The following IGSF10 variants were observed in gnomAD, a reference collection of about 807,000 sequenced individuals.
IGSF10 encodes immunoglobulin superfamily member 10.
In IGSF10, 126 loss-of-function variants were observed where a neutral mutation model predicts 128.2. The ratio of observed to expected loss-of-function variants is 0.98; its 90% CI spans 0.85 to 1.14. The LOEUF is 1.14. Ranked by LOEUF, IGSF10 falls within the 50% of genes most tolerant of loss-of-function variation. The pLI is 0.00. For synonymous variants in IGSF10, 1,185 were observed against 1,146.2 expected (o/e 1.03, Z -0.68); for missense variants, 3,295 against 3,149.8 (o/e 1.05, Z -1.10).
At chr3:151,524,030 G>T in the IGSF10 span, among the ~76,000 whole-genome samples, 1 of 152,132 alleles carries the variant, frequency 6.6e-6, no homozygotes, top group Non-Finnish European at 1.5e-5. Context: ...CATACAAGTG[G>T]CCAAGAAGCA....
At chr3:151,531,692 A>C in the IGSF10 span, among the ~76,000 whole-genome samples, 1 of 152,252 alleles carries the variant, frequency 6.6e-6, no homozygotes, top group Non-Finnish European at 1.5e-5. Context: ...CAGCGTGTAG[A>C]GAGAAATTTA....
chr3:151,478,855 GAT>G, the IGSF10 span, among the ~76,000 whole-genome samples: 1 of 152,174 alleles, frequency 6.6e-6, no homozygotes, highest in African/African-American at 2.4e-5. Flanking sequence ...CTTTGGATAA[GAT>G]AAAATAAAAG....
downstream of IGSF10, chr3:151,433,919 TATAAAG>T (rs1314646806): frequency 2.6e-5 from 4 of 152,650 alleles, no homozygotes; most frequent in Non-Finnish European, 5.9e-5. Flanking sequence ...TCAAATTTAT[TATAAAG>T]AAATAGTAAC....
At chr3:151,435,215 G>T (rs1232058929), downstream of IGSF10, 1 of 150,534 alleles carries the variant, frequency 6.6e-6, no homozygotes, top group East Asian at 1.9e-4. Context: ...TCCCCTTAAA[G>T]ACAAGACCTT....
Position 151,445,811 on chromosome 3 carries a change from G to C in IGSF10, c.4170C>G (p.Val1390=). The C allele has an allele frequency of 6.2e-7, 1 of 1,614,226 alleles. No individual in the cohort carries two copies. The highest frequency in any genetic ancestry group is 8.5e-7 in the Non-Finnish European group (1 of 1,180,046). Residue 1390 remains valine, a synonymous_variant, in exon 6 of 8, where the codon GTC becomes GTG. Transcript: ENST00000282466. ...TTAETSVKPS[V]SAFTHSPPEN... Reference sequence around the variant, plus strand: ...CTGGTGGGGAATGAGTGAATGCAGAGACACTGGGCTTGACTGAAGTTTCGG... The same window carrying C: ...CTGGTGGGGAATGAGTGAATGCAGACACACTGGGCTTGACTGAAGTTTCGG...
At chr3:151,497,484 G>A in the IGSF10 span, among the ~76,000 whole-genome samples, 4 of 152,130 alleles carry the variant, frequency 2.6e-5, no homozygotes, top group Non-Finnish European at 4.4e-5. Context: ...TCAGATAGTT[G>A]TAGATATGTG....
At chr3:151,434,160 A>G (rs1719833562), downstream of IGSF10, 1 of 152,228 alleles carries the variant, frequency 6.6e-6, no homozygotes, top group African/African-American at 2.4e-5. Context: ...ATGATTTTAC[A>G]TATAATATAG....
At chr3:151,503,621 C>T in the IGSF10 span, among the ~76,000 whole-genome samples, 24 of 152,180 alleles carry the variant, frequency 1.6e-4, no homozygotes, top group African/African-American at 5.8e-4. Flanking sequence ...ATTTTAAATG[C>T]CCAGTGGGTT....
chr3:151,579,761 G>T, the IGSF10 span, among the ~76,000 whole-genome samples: 1 of 151,140 alleles, frequency 6.6e-6, no homozygotes, highest in Non-Finnish European at 1.5e-5. Context: ...AGTCACAAAA[G>T]ACTTCAAATA....
the IGSF10 span, among the ~76,000 whole-genome samples, chr3:151,590,064 A>G: frequency 6.6e-6 from 1 of 152,132 alleles, no homozygotes; most frequent in East Asian, 1.9e-4. Flanking sequence ...TTTTCTTTAG[A>G]GTCTCACTCT....
chr3:151,530,471 C>T, the IGSF10 span, among the ~76,000 whole-genome samples: 1 of 152,028 alleles, frequency 6.6e-6, no homozygotes, highest in Non-Finnish European at 1.5e-5. Context: ...AGAGAAATAT[C>T]GGGTTACCCA....
At chr3:151,576,735 G>C in the IGSF10 span, among the ~76,000 whole-genome samples, 2 of 152,168 alleles carry the variant, frequency 1.3e-5, no homozygotes, top group East Asian at 1.9e-4. Context: ...CCAGTACCAC[G>C]AGAGTTTACA....
At position 151,443,462 on chromosome 3, in the gene IGSF10, C is replaced by A. The variant is rs1038453565; in HGVS notation, c.5485G>T (p.Asp1829Tyr). 3.7e-6 allele frequency: 6 copies of A among 1,614,078 alleles called. No individual in the cohort carries two copies. The highest frequency in any genetic ancestry group is 1.6e-4 in the Middle Eastern group (1 of 6,084). ...KCVASNPGGQ[D>Y]SLLVKIQVIA... ...ACTTGTATTTTAACCAGCAGTGAAT[C>A]CTGGCCACCTGGGTTGCTGGCCACA... The change falls in exon 7 of 8, where the codon GAT becomes TAT. Residue 1829 changes from aspartate to tyrosine, a missense_variant. Asp to Tyr is a radical substitution (Grantham distance 160). Coordinates refer to ENST00000282466, the MANE Select transcript of IGSF10 (RefSeq NM_178822.5).
the IGSF10 span, among the ~76,000 whole-genome samples, chr3:151,598,404 G>A: frequency 6.6e-6 from 1 of 152,154 alleles, no homozygotes; most frequent in East Asian, 1.9e-4. Flanking sequence ...ATTGAAATAT[G>A]GTAGTACTGA....
At chr3:151,610,909 G>T in the IGSF10 span, among the ~76,000 whole-genome samples, 1 of 152,102 alleles carries the variant, frequency 6.6e-6, no homozygotes, top group African/African-American at 2.4e-5. Context: ...ACCTCATAAA[G>T]GTCCCACCAC....
chr3:151,455,779 A>G (rs1490230274), intron 4 of IGSF10, among the ~76,000 whole-genome samples: 1 of 152,222 alleles, frequency 6.6e-6, no homozygotes, highest in African/African-American at 2.4e-5. Context: ...TTTGAGTTGC[A>G]ATTAAAATAA....
chr3:151,470,688 A>T, the IGSF10 span, among the ~76,000 whole-genome samples: 1 of 152,170 alleles, frequency 6.6e-6, no homozygotes, highest in South Asian at 2.1e-4. Flanking sequence ...ACATAGGCCC[A>T]TTGCATACTA....
chr3:151,598,072 T>G, the IGSF10 span, among the ~76,000 whole-genome samples: 20 of 111,832 alleles, frequency 1.8e-4, no homozygotes, highest in African/African-American at 7.9e-4. Flanking sequence ...TGAGTACTGG[T>G]GTGTGTGTGT....
chr3:151,606,561 A>G, the IGSF10 span, among the ~76,000 whole-genome samples: 4 of 152,326 alleles, frequency 2.6e-5, no homozygotes, highest in Non-Finnish European at 5.9e-5. Flanking sequence ...AGGGCTGATC[A>G]GGTCCCTGCT....
Sources: allele counts gnomAD v4.1 joint callset (sites outside exome capture counted in the v4.1 genomes callset), GRCh38; gene constraint gnomAD v4.1.1; transcripts MANE v1.5; gene names NCBI Gene and HGNC (gene_info 2026-07-23, HGNC 2026-07-21).